C12orf42: variants seen among roughly 807,000 people sequenced by gnomAD.
C12orf42 encodes the protein chromosome 12 open reading frame 42.
A neutral mutation model predicts 21.6 loss-of-function variants in C12orf42; 25 were observed. The observed-to-expected ratio is 1.16, with a 90% CI of 0.84 to 1.62. The LOEUF is 1.62. Ranked by LOEUF, C12orf42 falls within the 40% of genes most tolerant of loss-of-function variation. C12orf42 has a pLI of 0.00. For missense variants in C12orf42, 483 were observed against 459.3 expected (o/e 1.05, Z -0.47); for synonymous variants, 174 against 175.0 (o/e 0.99, Z 0.05).
the C12orf42 span, among the ~76,000 whole-genome samples, chr12:103,073,962 C>A: frequency 6.6e-6 from 1 of 152,062 alleles, no homozygotes; most frequent in Non-Finnish European, 1.5e-5. Context: ...CTCCTCATGG[C>A]CGAATTTGAA....
chr12:103,467,497 C>T (rs1953237135), intron 2 of C12orf42, among the ~76,000 whole-genome samples: 1 of 152,154 alleles, frequency 6.6e-6, no homozygotes, highest in Non-Finnish European at 1.5e-5. Flanking sequence ...CAAGTCAAGC[C>T]TTGAGCCTGC....
intron 2 of C12orf42, among the ~76,000 whole-genome samples, chr12:103,435,993 G>C (rs1050712688): frequency 6.6e-6 from 1 of 151,078 alleles, no homozygotes; most frequent in Non-Finnish European, 1.5e-5. Flanking sequence ...GTTAAGGGCA[G>C]CCAGAGAGAA....
chr12:103,239,399 A>T (rs1375278960), intron 10 of C12orf42, among the ~76,000 whole-genome samples: 1 of 152,110 alleles, frequency 6.6e-6, no homozygotes, highest in Non-Finnish European at 1.5e-5. Flanking sequence ...TTCTCTCTGC[A>T]CCACTCTCAG....
intron 3 of C12orf42, among the ~76,000 whole-genome samples, chr12:103,384,881 G>T (rs1405696032): frequency 6.6e-6 from 1 of 152,180 alleles, no homozygotes; most frequent in East Asian, 1.9e-4. Context: ...AGGAGACCTA[G>T]GTTCGTGTCT....
At chr12:103,495,588 C>G (rs1955486547) in intron 1 of C12orf42, among the ~76,000 whole-genome samples, 1 of 151,496 alleles carries the variant, frequency 6.6e-6, no homozygotes, top group South Asian at 2.1e-4. Flanking sequence ...TCGTCTGGGC[C>G]GTCGCCGGGG....
intron 2 of C12orf42, among the ~76,000 whole-genome samples, chr12:103,456,832 T>C (rs1379119910): frequency 6.6e-6 from 1 of 152,196 alleles, no homozygotes; most frequent in South Asian, 2.1e-4. Context: ...GGGTATTTCT[T>C]ATGTATTACT....
At chr12:103,130,709 T>C in the C12orf42 span, among the ~76,000 whole-genome samples, 1 of 152,140 alleles carries the variant, frequency 6.6e-6, no homozygotes, top group Non-Finnish European at 1.5e-5. Context: ...GCTCCGTAGG[T>C]AGAATGACCC....
At chr12:103,374,776 C>T (rs1375909044) in intron 3 of C12orf42, among the ~76,000 whole-genome samples, 1 of 152,138 alleles carries the variant, frequency 6.6e-6, no homozygotes, top group African/African-American at 2.4e-5. Context: ...ATGCTGCATC[C>T]TGGGCCATGT....
At chr12:103,500,950 T>C (rs1955705266), upstream of C12orf42, among the ~76,000 whole-genome samples, 1 of 152,238 alleles carries the variant, frequency 6.6e-6, no homozygotes. Context: ...TTTCCAGACA[T>C]AATGTCTTTG....
chr12:103,058,338 A>T, the C12orf42 span, among the ~76,000 whole-genome samples: 1 of 151,972 alleles, frequency 6.6e-6, no homozygotes, highest in Admixed American at 6.6e-5. Flanking sequence ...TTTTTCTTGT[A>T]AATTTGTTTA....
At chr12:103,224,625 A>G in the C12orf42 span, among the ~76,000 whole-genome samples, 1 of 152,244 alleles carries the variant, frequency 6.6e-6, no homozygotes, top group Non-Finnish European at 1.5e-5. Context: ...GTACAGCTGA[A>G]GGAGCCGGGG....
intron 4 of C12orf42, among the ~76,000 whole-genome samples, chr12:103,349,638 C>T (rs1224324154): frequency 3.3e-5 from 5 of 151,946 alleles, no homozygotes; most frequent in African/African-American, 1.2e-4. Context: ...AAATAAAGAA[C>T]ATCTACTTCT....
At chr12:103,368,487 A>G (rs969630998) in intron 4 of C12orf42, among the ~76,000 whole-genome samples, 2 of 152,080 alleles carry the variant, frequency 1.3e-5, no homozygotes, top group South Asian at 4.1e-4. Flanking sequence ...CTGGCCAATC[A>G]GAGCCATTGG....
At chr12:103,550,944 C>G in the C12orf42 span, among the ~76,000 whole-genome samples, 1 of 151,894 alleles carries the variant, frequency 6.6e-6, no homozygotes, top group East Asian at 1.9e-4. Context: ...TGAGGATTAT[C>G]TATAGTTTTC....
the C12orf42 span, among the ~76,000 whole-genome samples, chr12:103,512,909 G>A: frequency 3.3e-5 from 5 of 151,998 alleles, no homozygotes; most frequent in Non-Finnish European, 5.9e-5. Flanking sequence ...GGCTGAGGCA[G>A]GAGAATCACT....
the C12orf42 span, among the ~76,000 whole-genome samples, chr12:103,051,763 T>C: frequency 2.6e-5 from 4 of 152,190 alleles, no homozygotes; most frequent in Non-Finnish European, 4.4e-5. Flanking sequence ...GTCTGCTTCC[T>C]ACTATTGTGC....
At chr12:103,150,180 G>A in the C12orf42 span, among the ~76,000 whole-genome samples, 1 of 152,124 alleles carries the variant, frequency 6.6e-6, no homozygotes, top group Non-Finnish European at 1.5e-5. Context: ...GATATTTGGG[G>A]ATTGATTTAT....
intron 3 of C12orf42, among the ~76,000 whole-genome samples, chr12:103,394,297 C>A (rs150226513): frequency 6.6e-6 from 1 of 152,300 alleles, no homozygotes; most frequent in African/African-American, 2.4e-5. Context: ...CTCAAAATGC[C>A]TTTCTGTACA....
At chr12:103,289,214 A>G (rs1038445462) in intron 4 of C12orf42, among the ~76,000 whole-genome samples, 3 of 152,182 alleles carry the variant, frequency 2.0e-5, no homozygotes, top group African/African-American at 2.4e-5. Context: ...CATTTATACC[A>G]AAGCAGAAAA....
Sources: gnomAD v4.1 joint callset for allele counts (sites outside exome capture counted in the v4.1 genomes callset) on GRCh38, gnomAD v4.1.1 for gene constraint, MANE v1.5 for transcripts, NCBI Gene and HGNC (gene_info 2026-07-23, HGNC 2026-07-21) for gene names.